RBM39: variants seen among roughly 807,000 people sequenced by gnomAD.
RBM39 encodes the protein RNA binding motif protein 39.
A neutral mutation model predicts 79.6 loss-of-function variants in RBM39; 12 were observed. That is an observed-to-expected ratio of 0.15 (90% CI 0.10 to 0.24). The LOEUF (loss-of-function observed/expected upper bound fraction) is 0.24. Ranked by LOEUF, RBM39 falls within the 10% of genes least tolerant of loss-of-function variation. RBM39 has a pLI of 1.00. For synonymous variants in RBM39, 185 were observed against 208.4 expected (o/e 0.89, Z 0.97); for missense variants, 243 against 653.4 (o/e 0.37, Z 6.85).
chr20:35,716,393 A>C (rs950817527), intron 10 of RBM39, among the ~76,000 whole-genome samples: 1 of 152,182 alleles, frequency 6.6e-6, no homozygotes, highest in African/African-American at 2.4e-5. Context: ...AATTTAAAGC[A>C]CTTGAAAATA....
At chr20:35,733,941 G>T (rs539775162) in intron 3 of RBM39, among the ~76,000 whole-genome samples, 2 of 152,280 alleles carry the variant, frequency 1.3e-5, no homozygotes, top group South Asian at 4.1e-4. Flanking sequence ...TTTTAGAGGT[G>T]CCTTCAGATA....
At chr20:35,731,712 T>TA in intron 4 of RBM39, 1 of 550,168 alleles carries the variant, frequency 1.8e-6, no homozygotes. Context: ...GAAACTCTGA[T>TA]AGTTTAACAG....
intron 2 of RBM39, chr20:35,739,367 T>G: frequency 2.2e-6 from 1 of 464,574 alleles, no homozygotes; most frequent in Non-Finnish European, 4.5e-6. Context: ...TTTTATTCCA[T>G]GTGCTATGGT....
chr20:35,708,173 G>A (rs960873282), intron 13 of RBM39, among the ~76,000 whole-genome samples: 2 of 151,254 alleles, frequency 1.3e-5, no homozygotes, highest in Non-Finnish European at 2.9e-5. Flanking sequence ...CTTTCATAAA[G>A]TTTTATTTTA....
intron 13 of RBM39, 75 bp downstream of exon 13, chr20:35,709,149 A>G: frequency 7.4e-7 from 1 of 1,350,760 alleles, no homozygotes; most frequent in Non-Finnish European, 1.0e-6. Context: ...TATGACAATA[A>G]ATATAGAAAA....
At chr20:35,736,449 C>A in intron 3 of RBM39, 2 of 312,092 alleles carry the variant, frequency 6.4e-6, no homozygotes, top group East Asian at 8.9e-5. Context: ...AAAATAGTGG[C>A]TTAACAAGCC....
Position 35,703,471 on chromosome 20 carries a change from G to A in RBM39, c.*1010C>T, listed in dbSNP as rs1257177790. ...ACTCTAATAGAATAAAGGAATTCAT[G>A]GGGGACAACGTGAGGGCAAGTTTCC... On this transcript the variant is annotated 3_prime_UTR_variant, in exon 17 of 17. Transcript: ENST00000253363. 1.3e-5 allele frequency: 2 copies of A among 152,182 alleles called. No homozygotes were observed. The highest frequency in any genetic ancestry group is 2.9e-5 in the Non-Finnish European group (2 of 68,042). The allele number at this position is 152,182 out of a possible 1,614,324, so 9.4% of individuals were successfully genotyped here.
chr20:35,718,267 AAAAAC>A (rs1209701991), intron 9 of RBM39, among the ~76,000 whole-genome samples: 3 of 147,474 alleles, frequency 2.0e-5, no homozygotes, highest in East Asian at 3.9e-4. Context: ...GAAGGATATA[AAAAAC>A]AAAACAAAAC....
chr20:35,721,039 G>A (rs1324869382), intron 9 of RBM39, among the ~76,000 whole-genome samples: 2 of 152,092 alleles, frequency 1.3e-5, no homozygotes, highest in Non-Finnish European at 2.9e-5. Context: ...TATATTCAAG[G>A]GAGAAATTCT....
chr20:35,713,203 G>T, intron 11 of RBM39, 107 bp from the exon 12 acceptor site: 1 of 918,500 alleles, frequency 1.1e-6, no homozygotes, highest in Non-Finnish European at 1.6e-6. Context: ...TGCAAGGAGG[G>T]CCGAGTGTGG....
intron 4 of RBM39, 28 bp downstream of exon 4, chr20:35,731,913 A>G: frequency 6.2e-7 from 1 of 1,605,840 alleles, no homozygotes; most frequent in Non-Finnish European, 8.5e-7. Context: ...ATAACCCTCA[A>G]ACCAAAATCA....
chr20:35,735,349 T>C (rs918800541), intron 3 of RBM39, among the ~76,000 whole-genome samples: 4 of 152,192 alleles, frequency 2.6e-5, no homozygotes, highest in Non-Finnish European at 4.4e-5. Flanking sequence ...CTTCAGAAAA[T>C]AGGTTGACAA....
intron 13 of RBM39, chr20:35,708,683 C>T (rs562120733): frequency 6.6e-6 from 1 of 152,236 alleles, no homozygotes; most frequent in Non-Finnish European, 1.5e-5. Context: ...TAACTAAAAA[C>T]AAGAAATCAT....
At position 35,732,135 on chromosome 20, in the gene RBM39, C is replaced by T. The variant is rs2039430376; in HGVS notation, c.102G>A (p.Lys34=). The part of the protein sequence containing the change: ...SANGHEERSK[K]RKKSKSRSRS... ...GACTTCTGCTCTTGCTTTTTTTCCT[C>T]CTGAGAAGAAAAAAACTCGCCATTA... The change falls in exon 4 of 17, where the codon AAG becomes AAA. Residue 34 remains lysine (K), a splice_region_variant and synonymous_variant. Transcript: ENST00000253363. 4 of 1,613,638 alleles carry T rather than the reference C, an allele frequency of 2.5e-6. No individual in the cohort carries two copies. Among genetic ancestry groups the T allele is most frequent in the Middle Eastern group, 3.3e-4 (2 of 6,084 alleles).
chr20:35,716,263 G>A (rs752373735), intron 10 of RBM39, among the ~76,000 whole-genome samples: 3 of 151,988 alleles, frequency 2.0e-5, no homozygotes, highest in Non-Finnish European at 2.9e-5. Flanking sequence ...TACTAGAGAC[G>A]GGGTTTCGCC....
intron 3 of RBM39, chr20:35,734,867 C>A: frequency 1.3e-6 from 2 of 1,489,142 alleles, no homozygotes; most frequent in Non-Finnish European, 1.8e-6. Context: ...TATCGAAATC[C>A]ACACTAATAG....
intron 10 of RBM39, among the ~76,000 whole-genome samples, chr20:35,715,347 T>C (rs560770110): frequency 6.6e-6 from 1 of 152,276 alleles, no homozygotes; most frequent in Admixed American, 6.5e-5. Flanking sequence ...GTTAATTTTT[T>C]ATATTTTTAG....
intron 14 of RBM39, 168 bp from the exon 15 acceptor site, chr20:35,705,498 A>C (rs2035608909): frequency 7.7e-6 from 4 of 521,964 alleles, no homozygotes; most frequent in Non-Finnish European, 6.6e-6. Flanking sequence ...CTGGTATTGA[A>C]AAATAAATTT....
chr20:35,733,069 G>A (rs1053180276), intron 3 of RBM39, among the ~76,000 whole-genome samples: 2 of 152,242 alleles, frequency 1.3e-5, no homozygotes, highest in South Asian at 2.1e-4. Context: ...TTGGGAGGCC[G>A]AGGCAGGCAG....
Sources: allele counts gnomAD v4.1 joint callset (sites outside exome capture counted in the v4.1 genomes callset), GRCh38; gene constraint gnomAD v4.1.1; transcripts MANE v1.5; gene names NCBI Gene and HGNC (gene_info 2026-07-23, HGNC 2026-07-21).